The following PDE3B variants were observed in gnomAD, a reference collection of about 807,000 sequenced individuals.
The protein encoded by PDE3B is phosphodiesterase 3B.
PDE3B carries 66 observed loss-of-function variants against 116.8 expected under a neutral mutation model. The observed-to-expected ratio is 0.56, with a 90% CI of 0.46 to 0.69. The LOEUF (loss-of-function observed/expected upper bound fraction) is 0.69. Among genes scored for constraint, PDE3B ranks in the 30% least tolerant of loss-of-function variants. The pLI, the probability that PDE3B is intolerant of heterozygous loss-of-function variation, is 0.00. For missense variants in PDE3B, 1,384 were observed against 1,368.1 expected, an observed-to-expected ratio of 1.01 and a Z score of -0.18; for synonymous variants, 595 against 533.6, an observed-to-expected ratio of 1.12 and a Z score of -1.59.
intron 1 of PDE3B, among the ~76,000 whole-genome samples, chr11:14,745,895 A>G (rs1488609712): frequency 1.3e-5 from 2 of 152,190 alleles, no homozygotes; most frequent in Non-Finnish European, 2.9e-5. Context: ...GTTATTCCAC[A>G]TCCCCATTTG....
At chr11:14,887,912 A>C in the PDE3B span, among the ~76,000 whole-genome samples, 7 of 152,180 alleles carry the variant, frequency 4.6e-5, no homozygotes, top group African/African-American at 1.7e-4. Context: ...CCCTTATAAC[A>C]ACAACCTCCT....
intron 12 of PDE3B, among the ~76,000 whole-genome samples, chr11:14,856,480 A>C (rs528867502): frequency 2.0e-5 from 3 of 152,184 alleles, no homozygotes; most frequent in Non-Finnish European, 4.4e-5. Context: ...TTTATCTGCT[A>C]TCTCTCTACT....
At chr11:14,692,912 A>C (rs947158628) in intron 1 of PDE3B, among the ~76,000 whole-genome samples, 1 of 152,230 alleles carries the variant, frequency 6.6e-6, no homozygotes, top group Non-Finnish European at 1.5e-5. Flanking sequence ...GAAAGCTGAC[A>C]TACACCAAAA....
intron 1 of PDE3B, among the ~76,000 whole-genome samples, chr11:14,653,573 A>C (rs980409540): frequency 2.5e-4 from 38 of 152,054 alleles, no homozygotes; most frequent in South Asian, 1.0e-3. Flanking sequence ...TCAAAAAAAA[A>C]CCAAAAAAAC....
chr11:14,880,021 T>C, the PDE3B span: 1 of 972,542 alleles, frequency 1.0e-6, no homozygotes, highest in South Asian at 1.6e-5. Context: ...TTTCTATACT[T>C]GGCTGGCATC....
intron 1 of PDE3B, among the ~76,000 whole-genome samples, chr11:14,721,163 T>C (rs1309219772): frequency 8.6e-5 from 13 of 151,524 alleles, no homozygotes; most frequent in South Asian, 6.3e-4. Flanking sequence ...AGCCAAAAAA[T>C]ACATGAAAAA....
chr11:14,779,597 C>T (rs138788590), intron 2 of PDE3B, among the ~76,000 whole-genome samples: 5 of 152,098 alleles, frequency 3.3e-5, no homozygotes, highest in African/African-American at 1.2e-4. Context: ...GAAATAAAAT[C>T]CTTTACAGAC....
chr11:14,675,067 C>T (rs1219932834), intron 1 of PDE3B, among the ~76,000 whole-genome samples: 1 of 152,156 alleles, frequency 6.6e-6, no homozygotes. Flanking sequence ...TTACTTATTG[C>T]TTTTAATGTA....
Position 14,867,492 on chromosome 11 carries a change from T to C in PDE3B, c.2887-14T>C. ...CACCAGTTAAAAATGTACTTTTCTT[T>C]TTAAAATATGCAGGGAGATGAAGAA... On this transcript the variant is annotated splice_polypyrimidine_tract_variant and intron_variant, in intron 14 of 15. Coordinates refer to ENST00000282096, the MANE Select transcript of PDE3B (RefSeq NM_000922.4). 1 of 1,605,364 alleles carries C rather than the reference T, an allele frequency of 6.2e-7. No homozygotes were observed. The highest frequency in any genetic ancestry group is 8.5e-7 in the Non-Finnish European group (1 of 1,175,238).
intron 12 of PDE3B, among the ~76,000 whole-genome samples, chr11:14,851,485 T>C (rs1005587562): frequency 2.0e-5 from 3 of 147,924 alleles, no homozygotes; most frequent in African/African-American, 7.6e-5. Context: ...TATGAATATG[T>C]ATATGTGTAA....
At chr11:14,889,986 G>C in the PDE3B span, among the ~76,000 whole-genome samples, 1 of 151,922 alleles carries the variant, frequency 6.6e-6, no homozygotes. Flanking sequence ...AAAATTAGCC[G>C]GGCGTGGTGG....
At chr11:14,658,886 A>G (rs1000089846) in intron 1 of PDE3B, among the ~76,000 whole-genome samples, 1 of 152,094 alleles carries the variant, frequency 6.6e-6, no homozygotes, top group Non-Finnish European at 1.5e-5. Context: ...TTATTTATTT[A>G]TGTGACCCTG....
chr11:14,686,722 AT>A (rs35568417), intron 1 of PDE3B, among the ~76,000 whole-genome samples: 1 of 151,792 alleles, frequency 6.6e-6, no homozygotes, highest in African/African-American at 2.4e-5. Context: ...TTTTATTTTT[AT>A]TTTTTTTAAA....
chr11:14,725,329 TTTTCTTTC>T (rs111476527), intron 1 of PDE3B, among the ~76,000 whole-genome samples: 4 of 123,214 alleles, frequency 3.2e-5, no homozygotes, highest in Non-Finnish European at 3.5e-5. Context: ...CTTTCTTTCT[TTTTCTTTC>T]TTTCTTTCTT....
At chr11:14,734,426 G>A (rs933788599) in intron 1 of PDE3B, among the ~76,000 whole-genome samples, 1 of 152,152 alleles carries the variant, frequency 6.6e-6, no homozygotes, top group Non-Finnish European at 1.5e-5. Context: ...TAACTTATAG[G>A]TTGTTCTTCT....
intron 1 of PDE3B, among the ~76,000 whole-genome samples, chr11:14,746,727 T>TA (rs960776577): frequency 6.6e-6 from 1 of 152,100 alleles, no homozygotes; most frequent in Non-Finnish European, 1.5e-5. Context: ...TACATAAGGT[T>TA]AAAAAAATGG....
intron 5 of PDE3B, among the ~76,000 whole-genome samples, chr11:14,811,544 C>G (rs1018630385): frequency 6.6e-6 from 1 of 152,258 alleles, no homozygotes; most frequent in Admixed American, 6.5e-5. Flanking sequence ...GTTACTGTAG[C>G]CTTGTAGTAT....
intron 1 of PDE3B, among the ~76,000 whole-genome samples, chr11:14,667,293 G>A (rs1452284421): frequency 2.0e-5 from 3 of 151,110 alleles, no homozygotes; most frequent in Admixed American, 6.6e-5. Context: ...GTGGGGTGGG[G>A]GGAGTGGGGA....
chr11:14,877,633 A>G, the PDE3B span: 1 of 152,416 alleles, frequency 6.6e-6, no homozygotes, highest in African/African-American at 2.4e-5. Flanking sequence ...ATCTCCCACC[A>G]TATCTAAAAT....
Sources: allele counts gnomAD v4.1 joint callset (sites outside exome capture counted in the v4.1 genomes callset), GRCh38; gene constraint gnomAD v4.1.1; transcripts MANE v1.5; gene names NCBI Gene and HGNC (gene_info 2026-07-23, HGNC 2026-07-21).